The following TYW1 variants were observed in gnomAD, a reference collection of about 807,000 sequenced individuals.
TYW1 encodes tRNA-yW synthesizing protein 1 homolog.
In TYW1, 46 loss-of-function variants were observed where a neutral mutation model predicts 96.2. The observed-to-expected ratio is 0.48, with a 90% CI of 0.38 to 0.61. The LOEUF is 0.61. TYW1 is among the 20% of genes least tolerant of loss of function. The probability of loss-of-function intolerance (pLI) is 0.00; values close to 1 mark genes in which losing one functional copy is unlikely to be tolerated. For synonymous variants in TYW1, 274 were observed against 323.0 expected, an observed-to-expected ratio of 0.85 and a Z score of 1.63; for missense variants, 684 against 909.6, an observed-to-expected ratio of 0.75 and a Z score of 3.19.
chr7:67,016,426 A>T (rs1794024470), intron 5 of TYW1, among the ~76,000 whole-genome samples: 1 of 151,828 alleles, frequency 6.6e-6, no homozygotes, highest in South Asian at 2.1e-4. Flanking sequence ...GCATGCCTGT[A>T]GTCCCAACTA....
Position 67,102,277 on chromosome 7 carries a change from G to A in TYW1, c.1562+3559G>A, listed in dbSNP as rs569685094. Reference sequence around the variant, plus strand: ...TGATATAAGATATTTACCCGAAAACGTCCAACAAAATGCCGGCCACATTTG... The same window carrying A: ...TGATATAAGATATTTACCCGAAAACATCCAACAAAATGCCGGCCACATTTG... On this transcript the variant is annotated intron_variant, in intron 12 of 15. Coordinates refer to ENST00000359626, the MANE Select transcript of TYW1 (RefSeq NM_018264.4). Among the ~76,000 whole-genome samples the A allele has an allele frequency of 9.2e-5, 14 of 152,248 alleles. No individual in the cohort carries two copies. The South Asian group carries it at 2.3e-3, about 25-fold the overall frequency.
Position 67,239,465 on chromosome 7 carries a change from A to T in TYW1, c.*936A>T. 7 of 928,206 alleles carry T rather than the reference A, an allele frequency of 7.5e-6. No homozygotes were observed. The highest frequency in any genetic ancestry group is 9.0e-6 in the Non-Finnish European group (7 of 777,978). The allele number at this position is 928,206 out of a possible 1,614,324, so 57.5% of individuals were successfully genotyped here. On this transcript the variant is annotated 3_prime_UTR_variant, in exon 16 of 16. Transcript: ENST00000359626. ...TGTTTTCAAGTTAGCAAGTTCTTTTAACAGTCTTTTATGCAAAAATTGAAT... is the reference window on the plus strand; with the variant it reads ...TGTTTTCAAGTTAGCAAGTTCTTTTTACAGTCTTTTATGCAAAAATTGAAT...
At chr7:67,109,678 C>G (rs955366111) in intron 12 of TYW1, among the ~76,000 whole-genome samples, 5 of 152,066 alleles carry the variant, frequency 3.3e-5, no homozygotes, top group African/African-American at 1.2e-4. Flanking sequence ...GTCAGGAGTT[C>G]AAGACCAGCT....
chr7:67,175,858 G>C (rs1799656187), intron 13 of TYW1, among the ~76,000 whole-genome samples: 1 of 152,118 alleles, frequency 6.6e-6, no homozygotes, highest in Non-Finnish European at 1.5e-5. Context: ...AATAAGACAA[G>C]CATACCCACT....
chr7:67,159,175 C>T (rs2116208418), intron 13 of TYW1, among the ~76,000 whole-genome samples: 1 of 152,272 alleles, frequency 6.6e-6, no homozygotes, highest in Middle Eastern at 3.4e-3. Context: ...TATATTACCT[C>T]AAGTTTAAAT....
At chr7:67,051,306 T>G (rs1795348025) in intron 8 of TYW1, among the ~76,000 whole-genome samples, 1 of 152,092 alleles carries the variant, frequency 6.6e-6, no homozygotes, top group African/African-American at 2.4e-5. Context: ...CACATTTTAC[T>G]TTTACTTTTG....
chr7:67,009,259 A>C (rs1793706998), intron 3 of TYW1, among the ~76,000 whole-genome samples: 1 of 152,116 alleles, frequency 6.6e-6, no homozygotes, highest in Non-Finnish European at 1.5e-5. Flanking sequence ...CAGCCTCCCA[A>C]AGTGCTGGGA....
chr7:67,205,932 G>A (rs553053871), intron 15 of TYW1, among the ~76,000 whole-genome samples: 1 of 152,188 alleles, frequency 6.6e-6, no homozygotes, highest in Non-Finnish European at 1.5e-5. Flanking sequence ...CCCCTAGCCA[G>A]TGTGCCTTCT....
intron 10 of TYW1, among the ~76,000 whole-genome samples, chr7:67,078,032 C>G (rs1796258281): frequency 6.6e-6 from 1 of 151,768 alleles, no homozygotes; most frequent in South Asian, 2.1e-4. Context: ...GTCTATGTGT[C>G]TGTTCTTATG....
chr7:67,117,076 G>A (rs1442967342), intron 12 of TYW1, among the ~76,000 whole-genome samples: 1 of 152,098 alleles, frequency 6.6e-6, no homozygotes, highest in Non-Finnish European at 1.5e-5. Flanking sequence ...GATGGAGGGA[G>A]GTGGCCCAGC....
At chr7:67,095,945 G>A (rs947136959) in intron 11 of TYW1, among the ~76,000 whole-genome samples, 1 of 152,036 alleles carries the variant, frequency 6.6e-6, no homozygotes, top group South Asian at 2.1e-4. Context: ...TTTCATAAAT[G>A]AGGATAAAGG....
At chr7:67,001,232 G>T (rs1478681854) in intron 3 of TYW1, among the ~76,000 whole-genome samples, 2 of 151,840 alleles carry the variant, frequency 1.3e-5, no homozygotes, top group Admixed American at 1.3e-4. Flanking sequence ...GCTGTGTTTC[G>T]AGATTTATCA....
rs60194362 is a variant in TYW1 at position 67,118,878 on chromosome 7, G to GAA, written c.1698+1288_1698+1289dup. Reference sequence around the variant, plus strand: ...GTGGGTGACAGTGAGACCCCTATCTGAAAAAAAAAAAAAAAAAAAAAAAAA... The same window carrying GAA: ...GTGGGTGACAGTGAGACCCCTATCTGAAAAAAAAAAAAAAAAAAAAAAAAAAA... On this transcript the variant is annotated intron_variant, in intron 13 of 15. Coordinates refer to ENST00000359626, the MANE Select transcript of TYW1 (RefSeq NM_018264.4). Among the ~76,000 whole-genome samples, 115 of 72,202 alleles carry GAA rather than the reference G, an allele frequency of 1.6e-3. 2 individuals are homozygous for GAA. The highest frequency in any genetic ancestry group is 2.9e-3 in the East Asian group (3 of 1,040). The allele number at this position is 72,202 out of a possible 152,430, so 47.4% of individuals were successfully genotyped here.
intron 10 of TYW1, among the ~76,000 whole-genome samples, chr7:67,072,468 T>G (rs2115702103): frequency 6.6e-6 from 1 of 152,210 alleles, no homozygotes; most frequent in Non-Finnish European, 1.5e-5. Flanking sequence ...AGGCTGGTCT[T>G]GAACTCCTCA....
At chr7:67,163,102 T>G (rs1315926395) in intron 13 of TYW1, among the ~76,000 whole-genome samples, 2 of 152,200 alleles carry the variant, frequency 1.3e-5, no homozygotes, top group African/African-American at 2.4e-5. Context: ...ATGTTGTAAA[T>G]TTCCGCATTC....
At chr7:67,237,649 C>T (rs1351037958) in intron 15 of TYW1, among the ~76,000 whole-genome samples, 3 of 152,038 alleles carry the variant, frequency 2.0e-5, no homozygotes, top group Non-Finnish European at 4.4e-5. Flanking sequence ...GTATTTCCTT[C>T]TGAGCCTCTT....
chr7:67,189,376 A>G (rs1213635726), intron 14 of TYW1, among the ~76,000 whole-genome samples: 2 of 148,344 alleles, frequency 1.3e-5, no homozygotes, highest in African/African-American at 5.1e-5. Context: ...GTGTGCATGT[A>G]TGTGTGTTCA....
intron 13 of TYW1, among the ~76,000 whole-genome samples, chr7:67,141,377 C>A (rs1407004174): frequency 6.6e-6 from 1 of 152,292 alleles, no homozygotes; most frequent in South Asian, 2.1e-4. Flanking sequence ...TTCTAACCAA[C>A]ACGCAAAATA....
intron 13 of TYW1, among the ~76,000 whole-genome samples, chr7:67,142,517 C>T (rs561121343): frequency 2.0e-5 from 3 of 152,268 alleles, no homozygotes; most frequent in East Asian, 1.9e-4. Flanking sequence ...AAGTCTCTGC[C>T]TCCCGGGTTC....
Sources: allele counts gnomAD v4.1 joint callset (sites outside exome capture counted in the v4.1 genomes callset), GRCh38; gene constraint gnomAD v4.1.1; transcripts MANE v1.5; gene names NCBI Gene and HGNC (gene_info 2026-07-23, HGNC 2026-07-21).